Variants in VMP1 observed in about 807,000 individuals in gnomAD.
The protein encoded by VMP1 is vacuole membrane protein 1.
In VMP1, 11 loss-of-function variants were observed where a neutral mutation model predicts 56.0. The ratio of observed to expected loss-of-function variants is 0.20; its 90% CI spans 0.12 to 0.32. VMP1 has a LOEUF of 0.32. VMP1 is among the 10% of genes least tolerant of loss of function. VMP1 has a pLI of 1.00. For synonymous variants in VMP1, 149 were observed against 165.0 expected (o/e 0.90, Z 0.74); for missense variants, 296 against 490.3 (o/e 0.60, Z 3.74).
At chr17:59,736,385 A>G (rs1024640016) in intron 3 of VMP1, among the ~76,000 whole-genome samples, 20 of 137,052 alleles carry the variant, frequency 1.5e-4, no homozygotes, top group African/African-American at 5.7e-4. Flanking sequence ...CCTGGGCAAC[A>G]GAACGATACT....
intron 10 of VMP1, among the ~76,000 whole-genome samples, chr17:59,832,988 T>G (rs2038867373): frequency 6.6e-6 from 1 of 152,056 alleles, no homozygotes; most frequent in Non-Finnish European, 1.5e-5. Context: ...TGGGATGAGA[T>G]TAGCATCTTT....
intron 7 of VMP1, among the ~76,000 whole-genome samples, chr17:59,800,765 T>C (rs2037610630): frequency 6.6e-6 from 1 of 152,100 alleles, no homozygotes; most frequent in Non-Finnish European, 1.5e-5. Context: ...ACAAACCTAT[T>C]ACGCTGCCAG....
intron 5 of VMP1, among the ~76,000 whole-genome samples, chr17:59,749,761 C>T (rs1211441037): frequency 1.3e-5 from 2 of 152,116 alleles, no homozygotes; most frequent in Non-Finnish European, 2.9e-5. Context: ...CAGCCCCCCT[C>T]AGCCTCCCAA....
intron 10 of VMP1, among the ~76,000 whole-genome samples, chr17:59,826,798 C>T (rs2038658823): frequency 6.6e-6 from 1 of 152,030 alleles, no homozygotes; most frequent in Non-Finnish European, 1.5e-5. Context: ...GTGAAGACTC[C>T]AAGATGTTTT....
intron 5 of VMP1, among the ~76,000 whole-genome samples, chr17:59,757,656 C>G (rs912879753): frequency 2.0e-5 from 3 of 151,978 alleles, no homozygotes; most frequent in Admixed American, 1.3e-4. Context: ...CATCTTTTAT[C>G]CTGGACAAGG....
intron 9 of VMP1, among the ~76,000 whole-genome samples, chr17:59,812,411 G>A (rs2144232096): frequency 6.6e-6 from 1 of 152,232 alleles, no homozygotes; most frequent in Non-Finnish European, 1.5e-5. Flanking sequence ...AAATCTTTAG[G>A]ATGGAGGGTG....
chr17:59,752,071 C>G (rs549905142), intron 5 of VMP1, among the ~76,000 whole-genome samples: 6 of 152,272 alleles, frequency 3.9e-5, no homozygotes, highest in Non-Finnish European at 8.8e-5. Flanking sequence ...CCTCAGCCTC[C>G]TAAAGTGCCG....
intron 7 of VMP1, among the ~76,000 whole-genome samples, chr17:59,787,380 G>A (rs1004579464): frequency 6.6e-6 from 1 of 152,114 alleles, no homozygotes; most frequent in African/African-American, 2.4e-5. Flanking sequence ...TTATCAACAA[G>A]GAAAGATAGT....
intron 1 of VMP1, chr17:59,730,113 C>T (rs1050095820): frequency 1.3e-5 from 2 of 152,150 alleles, no homozygotes; most frequent in Admixed American, 1.3e-4. Flanking sequence ...ATTTGTGTAT[C>T]TTTGGAGAAA....
At chr17:59,780,693 T>G (rs2036790370) in intron 7 of VMP1, among the ~76,000 whole-genome samples, 1 of 152,126 alleles carries the variant, frequency 6.6e-6, no homozygotes, top group Non-Finnish European at 1.5e-5. Flanking sequence ...TTAAAGCAAC[T>G]CTCTTGCCTC....
Position 59,787,245 on chromosome 17 carries a change from C to T in VMP1, c.714+13360C>T, listed in dbSNP as rs572413377. ...TAGCATGATTTATAGTGGAATTCTT[C>T]GTGCCCCCTTTTACTTGCTTTCTCT... On this transcript the variant is annotated intron_variant, in intron 7 of 11. Coordinates refer to ENST00000262291, the MANE Select transcript of VMP1 (RefSeq NM_030938.5). 3.9e-5 allele frequency among the ~76,000 whole-genome samples: 6 copies of T among 152,274 alleles called. No individual in the cohort carries two copies. The South Asian group carries it at 6.2e-4, about 16-fold the overall frequency.
At chr17:59,805,459 AT>A (rs927220190) in intron 7 of VMP1, among the ~76,000 whole-genome samples, 1 of 151,908 alleles carries the variant, frequency 6.6e-6, no homozygotes, top group African/African-American at 2.4e-5. Flanking sequence ...ATGTTTAATC[AT>A]TTTTTTCTTT....
chr17:59,802,454 G>A (rs1380895380), intron 7 of VMP1, among the ~76,000 whole-genome samples: 1 of 152,086 alleles, frequency 6.6e-6, no homozygotes, highest in Non-Finnish European at 1.5e-5. Context: ...TATGCCAGTT[G>A]TTAAGCCACA....
intron 7 of VMP1, among the ~76,000 whole-genome samples, chr17:59,782,348 A>G (rs2036854012): frequency 1.3e-5 from 2 of 151,948 alleles, no homozygotes; most frequent in South Asian, 4.1e-4. Flanking sequence ...TTCCAACACT[A>G]TTTTCCAAGT....
At chr17:59,754,293 T>C (rs796587676) in intron 5 of VMP1, among the ~76,000 whole-genome samples, 10 of 152,318 alleles carry the variant, frequency 6.6e-5, no homozygotes, top group African/African-American at 2.2e-4. Context: ...CTGTATAGTA[T>C]TCTGCACTTT....
At chr17:59,722,760 C>T (rs2034449641) in intron 1 of VMP1, among the ~76,000 whole-genome samples, 1 of 152,176 alleles carries the variant, frequency 6.6e-6, no homozygotes, top group South Asian at 2.1e-4. Flanking sequence ...AGGAGAATGG[C>T]TTGAACCTGG....
chr17:59,730,131 G>A (rs576434345), intron 1 of VMP1: 3 of 152,230 alleles, frequency 2.0e-5, no homozygotes, highest in Admixed American at 6.5e-5. Context: ...AAATATCTGT[G>A]CAGCTCCTCT....
chr17:59,777,045 G>A (rs1047021451), intron 7 of VMP1, among the ~76,000 whole-genome samples: 3 of 151,874 alleles, frequency 2.0e-5, no homozygotes, highest in East Asian at 1.9e-4. Context: ...CTTTCCACTC[G>A]GTAACACAAA....
At chr17:59,738,804 A>G (rs2035106411) in intron 4 of VMP1, 33 bp from the exon 5 acceptor site, 1 of 1,442,318 alleles carries the variant, frequency 6.9e-7, no homozygotes, top group African/African-American at 1.4e-5. Context: ...TGTATAGAGA[A>G]TTCACGGTTT....
Sources: gnomAD v4.1 joint callset for allele counts (sites outside exome capture counted in the v4.1 genomes callset) on GRCh38, gnomAD v4.1.1 for gene constraint, MANE v1.5 for transcripts, NCBI Gene and HGNC (gene_info 2026-07-23, HGNC 2026-07-21) for gene names.